ZMIZ1: variants seen among roughly 807,000 people sequenced by gnomAD.
ZMIZ1 encodes zinc finger MIZ domain-containing protein 1.
ZMIZ1 carries 17 observed loss-of-function variants against 113.9 expected under a neutral mutation model. The observed-to-expected ratio is 0.15, with a 90% CI of 0.10 to 0.22. ZMIZ1 has a LOEUF of 0.22. Ranked by LOEUF, ZMIZ1 falls within the 10% of genes least tolerant of loss-of-function variation. The pLI is 1.00. For synonymous variants in ZMIZ1, 607 were observed against 603.1 expected (o/e 1.01, Z -0.09); for missense variants, 1,059 against 1,477.8 (o/e 0.72, Z 4.65).
chr10:79,283,987 G>T lies in ZMIZ1; in HGVS notation c.426-5788G>T, dbSNP rs558395454. Among the ~76,000 whole-genome samples, 10 of 152,316 alleles carry T rather than the reference G, an allele frequency of 6.6e-5. No homozygotes were observed. In the East Asian group the frequency reaches 1.7e-3, roughly 26 times the overall value. On this transcript the variant is annotated intron_variant, in intron 8 of 24. Transcript: ENST00000334512. ...GGCTGGATCAGGGAAATTAATTAGA[G>T]TCTGACAATACCCTTAATGGAAATT...
At chr10:79,196,651 C>T (rs1440575725) in intron 4 of ZMIZ1, among the ~76,000 whole-genome samples, 1 of 152,196 alleles carries the variant, frequency 6.6e-6, no homozygotes, top group African/African-American at 2.4e-5. Context: ...GACCTGGGCC[C>T]CCGCTATGAC....
Position 79,299,210 on chromosome 10 carries a change from G to T in ZMIZ1, c.1808+19G>T. 1.9e-6 allele frequency: 3 copies of T among 1,594,934 alleles called. No homozygotes were observed. Among genetic ancestry groups the T allele is most frequent in the Non-Finnish European group, 2.6e-6 (3 of 1,174,878 alleles). ...TGTGGAGGTGCGTGTCAGGGCAGGG[G>T]CGCCAGCCCAGGCGGGATGAAGGAG... is the stretch of plus-strand genomic sequence containing the variant. On this transcript the variant is annotated intron_variant, in intron 16 of 24. Transcript: ENST00000334512.
chr10:79,240,973 G>A (rs1849807080), intron 7 of ZMIZ1, among the ~76,000 whole-genome samples: 2 of 152,174 alleles, frequency 1.3e-5, no homozygotes, highest in Non-Finnish European at 2.9e-5. Context: ...TCTCAAAAAT[G>A]AATTTGGAAG....
intron 7 of ZMIZ1, among the ~76,000 whole-genome samples, chr10:79,242,849 C>A (rs1018555974): frequency 6.6e-6 from 1 of 152,066 alleles, no homozygotes; most frequent in South Asian, 2.1e-4. Context: ...TGCGTTCGCT[C>A]GGCAGCGGCG....
chr10:79,311,991 C>A (rs1855204595), intron 24 of ZMIZ1, among the ~76,000 whole-genome samples: 1 of 152,236 alleles, frequency 6.6e-6, no homozygotes, highest in South Asian at 2.1e-4. Flanking sequence ...CTAGGACTCA[C>A]TCACTGTGCA....
chr10:79,177,758 A>T (rs1390792937), intron 4 of ZMIZ1, among the ~76,000 whole-genome samples: 1 of 152,204 alleles, frequency 6.6e-6, no homozygotes, highest in Non-Finnish European at 1.5e-5. Flanking sequence ...AACTTTAATA[A>T]TGTCCTTTTT....
In ZMIZ1 at chr10:79,290,787, C is replaced by T. The variant is rs967658533; in HGVS notation, c.541-172C>T. The T allele has an allele frequency of 3.8e-6, 3 of 794,952 alleles. No individual in the cohort carries two copies. In the African/African-American group the frequency reaches 5.1e-5, roughly 14 times the overall value. The allele number at this position is 794,952 out of a possible 1,614,324, so 49.2% of individuals were successfully genotyped here. On this transcript the variant is annotated intron_variant, in intron 9 of 24. Coordinates refer to ENST00000334512, the MANE Select transcript of ZMIZ1 (RefSeq NM_020338.4). Reference sequence around the variant, plus strand: ...CCACGCCACCTGCCGCCCAGGCCCGCTCCTTATCACCGGTACACTCAGAAT... The same window carrying T: ...CCACGCCACCTGCCGCCCAGGCCCGTTCCTTATCACCGGTACACTCAGAAT...
chr10:79,238,001 A>C (rs1420502272), intron 7 of ZMIZ1, among the ~76,000 whole-genome samples: 2 of 152,326 alleles, frequency 1.3e-5, no homozygotes, highest in East Asian at 3.9e-4. Context: ...GAGCATGGCC[A>C]GTTCCTTCCT....
intron 1 of ZMIZ1, among the ~76,000 whole-genome samples, chr10:79,107,844 T>C (rs1843613419): frequency 6.6e-6 from 1 of 152,112 alleles, no homozygotes; most frequent in African/African-American, 2.4e-5. Flanking sequence ...GAGGTGGGGT[T>C]GAGAAGAGGT....
intron 1 of ZMIZ1, among the ~76,000 whole-genome samples, chr10:79,070,829 C>T (rs1842250591): frequency 6.6e-6 from 1 of 151,464 alleles, no homozygotes; most frequent in Non-Finnish European, 1.5e-5. Context: ...TTTGAGCCTG[C>T]CCGCCTGCCT....
intron 7 of ZMIZ1, among the ~76,000 whole-genome samples, chr10:79,217,765 C>T (rs1848798338): frequency 6.6e-6 from 1 of 152,198 alleles, no homozygotes; most frequent in Non-Finnish European, 1.5e-5. Flanking sequence ...GTGGTGGCCT[C>T]ATTAGCCAGT....
chr10:79,224,494 G>C (rs1849123474), intron 7 of ZMIZ1, among the ~76,000 whole-genome samples: 1 of 152,020 alleles, frequency 6.6e-6, no homozygotes, highest in African/African-American at 2.4e-5. Context: ...TGGCCCCCCT[G>C]CCTACAGAGC....
intron 4 of ZMIZ1, among the ~76,000 whole-genome samples, chr10:79,166,143 G>T: frequency 6.6e-6 from 1 of 152,022 alleles, no homozygotes. Context: ...GGCTGCCTCC[G>T]CCGCCACACG....
intron 3 of ZMIZ1, among the ~76,000 whole-genome samples, chr10:79,149,803 G>A (rs59791444): frequency 0.019 from 2,910 of 152,312 alleles, 66 homozygotes; most frequent in East Asian, 0.12. Context: ...TTCTCCCAGG[G>A]GACACTGCTG....
chr10:79,215,809 A>C (rs1435729661), intron 6 of ZMIZ1, among the ~76,000 whole-genome samples: 1 of 151,994 alleles, frequency 6.6e-6, no homozygotes, highest in Admixed American at 6.5e-5. Flanking sequence ...AGAGCCACAC[A>C]GATGGAGCAG....
At chr10:79,209,899 G>A (rs1287799781) in intron 6 of ZMIZ1, among the ~76,000 whole-genome samples, 1 of 152,234 alleles carries the variant, frequency 6.6e-6, no homozygotes, top group Admixed American at 6.5e-5. Flanking sequence ...CATTAGGGAT[G>A]CCAGACAGGG....
At chr10:79,312,610 T>C in intron 24 of ZMIZ1, 32 bp from the exon 25 acceptor site, 1 of 1,611,856 alleles carries the variant, frequency 6.2e-7, no homozygotes, top group South Asian at 1.1e-5. Flanking sequence ...CAGGCACACC[T>C]CATCTGAACT....
chr10:79,155,300 G>A (rs1159179779), intron 3 of ZMIZ1, among the ~76,000 whole-genome samples: 1 of 152,210 alleles, frequency 6.6e-6, no homozygotes, highest in African/African-American at 2.4e-5. Flanking sequence ...TGTTGGCTGG[G>A]GCAGTCGGGA....
intron 3 of ZMIZ1, among the ~76,000 whole-genome samples, chr10:79,156,551 G>A (rs765835579): frequency 1.3e-5 from 2 of 152,244 alleles, no homozygotes; most frequent in Admixed American, 6.5e-5. Flanking sequence ...AGAAAGGTGA[G>A]GGAGCCGAGG....
Sources: gnomAD v4.1 joint callset for allele counts (sites outside exome capture counted in the v4.1 genomes callset) on GRCh38, gnomAD v4.1.1 for gene constraint, MANE v1.5 for transcripts, NCBI Gene and HGNC (gene_info 2026-07-23, HGNC 2026-07-21) for gene names.